ASIC2: variants seen among roughly 807,000 people sequenced by gnomAD.
ASIC2 encodes the protein acid-sensing ion channel 2.
ASIC2 carries 25 observed loss-of-function variants against 57.3 expected under a neutral mutation model. The ratio of observed to expected loss-of-function variants is 0.44; its 90% CI spans 0.32 to 0.61. The LOEUF is 0.61. ASIC2 is among the 20% of genes least tolerant of loss of function. The probability of loss-of-function intolerance (pLI) is 0.06; values close to 1 mark genes in which losing one functional copy is unlikely to be tolerated. For missense variants in ASIC2, 641 were observed against 738.1 expected, an observed-to-expected ratio of 0.87 and a Z score of 1.52; for synonymous variants, 319 against 307.5, an observed-to-expected ratio of 1.04 and a Z score of -0.39.
chr17:33,705,182 G>A (rs1401220433), intron 1 of ASIC2, among the ~76,000 whole-genome samples: 1 of 152,132 alleles, frequency 6.6e-6, no homozygotes, highest in Non-Finnish European at 1.5e-5. Flanking sequence ...CATGAGTAAT[G>A]TATGTTCATT....
At chr17:33,062,662 T>C (rs1264803677) in intron 3 of ASIC2, among the ~76,000 whole-genome samples, 2 of 152,222 alleles carry the variant, frequency 1.3e-5, no homozygotes, top group African/African-American at 4.8e-5. Flanking sequence ...GAGAGTTCTG[T>C]AGATGTCTAT....
At position 33,024,005 on chromosome 17, in the gene ASIC2, G is replaced by A. The variant is rs148985870; in HGVS notation, c.1205C>T (p.Ala402Val). Residue 402 changes from alanine (A) to valine (V), a missense_variant, in exon 6 of 10, where the codon GCG becomes GTG. Around this residue, in one of 3 missense-constraint regions of ASIC2, gnomAD observed 252 missense variants for 319.8 expected, o/e 0.79. Coordinates refer to ENST00000225823, the MANE Select transcript of ASIC2 (RefSeq NM_183377.2). Reference sequence around the variant, plus strand: ...GAGACAGTAATTGCTGTCCTTTTCCGCCAACAGACCTGGAGGGGAGAGTGA... The same window carrying A: ...GAGACAGTAATTGCTGTCCTTTTCCACCAACAGACCTGGAGGGGAGAGTGA... The part of the protein sequence containing the change: ...ECAEPALGLL[A>V]EKDSNYCLCR... 1.9e-5 allele frequency: 31 copies of A among 1,613,952 alleles called. No individual in the cohort carries two copies. Among genetic ancestry groups the A allele is most frequent in the South Asian group, 7.7e-5 (7 of 91,074 alleles).
chr17:34,041,608 A>G (rs762663003), intron 1 of ASIC2, among the ~76,000 whole-genome samples: 20 of 152,228 alleles, frequency 1.3e-4, no homozygotes, highest in Non-Finnish European at 2.5e-4. Context: ...GGTGTCAGAG[A>G]AGTAAATACT....
rs567222005 is a variant in ASIC2, at chr17:33,644,765, A to G, written c.555+511213T>C. Among the ~76,000 whole-genome samples the G allele has an allele frequency of 2.6e-5, 4 of 152,346 alleles. No homozygotes were observed. The East Asian group carries it at 7.7e-4, about 29-fold the overall frequency. On this transcript the variant is annotated intron_variant, in intron 1 of 9. Coordinates refer to the ASIC2 transcript ENST00000359872. ...CAATTCTAATAAATAGATATTTTCT[A>G]CCTGTCTCCTGTCATTGTCAACATT...
intron 2 of ASIC2, among the ~76,000 whole-genome samples, chr17:33,104,469 C>T (rs1315452099): frequency 6.6e-6 from 1 of 152,190 alleles, no homozygotes; most frequent in Non-Finnish European, 1.5e-5. Flanking sequence ...CAGTGGTTTT[C>T]AAACAGGGCA....
chr17:33,792,832 G>C (rs1911812059), intron 1 of ASIC2: 1 of 152,168 alleles, frequency 6.6e-6, no homozygotes. Flanking sequence ...ATAGGCTCAA[G>C]AGCTTGACTT....
intron 1 of ASIC2, among the ~76,000 whole-genome samples, chr17:33,815,047 G>A (rs997550336): frequency 1.3e-5 from 2 of 152,206 alleles, no homozygotes; most frequent in Admixed American, 1.3e-4. Flanking sequence ...ATTGAGGTAT[G>A]ACAGTGTAGG....
At chr17:33,784,602 T>C (rs1193006797) in intron 1 of ASIC2, among the ~76,000 whole-genome samples, 1 of 152,224 alleles carries the variant, frequency 6.6e-6, no homozygotes, top group Non-Finnish European at 1.5e-5. Flanking sequence ...CAATACATCA[T>C]TGCAACAAAA....
intron 1 of ASIC2, among the ~76,000 whole-genome samples, chr17:33,852,932 T>C (rs1220356078): frequency 6.6e-6 from 1 of 152,156 alleles, no homozygotes; most frequent in Non-Finnish European, 1.5e-5. Flanking sequence ...AAGCACTGCC[T>C]GAGAACTCCC....
At chr17:34,051,873 AGCG>A (rs1908578596) in intron 1 of ASIC2, 1 of 81,358 alleles carries the variant, frequency 1.2e-5, no homozygotes, top group African/African-American at 5.3e-5. Flanking sequence ...AGAGAGAGAG[AGCG>A]AGAGAGCGAG....
At chr17:33,284,167 A>G (rs980727913) in intron 1 of ASIC2, among the ~76,000 whole-genome samples, 2 of 152,210 alleles carry the variant, frequency 1.3e-5, no homozygotes, top group African/African-American at 4.8e-5. Context: ...GATATTTGAC[A>G]TGCTCAGAAC....
intron 2 of ASIC2, among the ~76,000 whole-genome samples, chr17:33,108,703 G>A (rs1312231740): frequency 1.3e-5 from 2 of 152,208 alleles, no homozygotes; most frequent in African/African-American, 4.8e-5. Context: ...GGCCTTCTCA[G>A]CCTGAAGAAA....
intron 1 of ASIC2, among the ~76,000 whole-genome samples, chr17:33,225,973 T>C (rs758664183): frequency 6.6e-6 from 1 of 152,200 alleles, no homozygotes; most frequent in Non-Finnish European, 1.5e-5. Context: ...TTAGCTCTCC[T>C]ACCATGTGCC....
At chr17:33,268,470 T>C (rs1174332443) in intron 1 of ASIC2, among the ~76,000 whole-genome samples, 1 of 151,990 alleles carries the variant, frequency 6.6e-6, no homozygotes, top group Non-Finnish European at 1.5e-5. Context: ...CAGTAGGAAA[T>C]AAGTAAGGAC....
intron 1 of ASIC2, among the ~76,000 whole-genome samples, chr17:34,097,426 T>A (rs570025876): frequency 2.0e-5 from 3 of 151,756 alleles, no homozygotes; most frequent in South Asian, 4.2e-4. Context: ...TTGAATAGAG[T>A]CCCCCAAAAC....
chr17:33,212,444 C>A (rs534409921), intron 1 of ASIC2, among the ~76,000 whole-genome samples: 5 of 152,146 alleles, frequency 3.3e-5, no homozygotes, highest in African/African-American at 7.2e-5. Flanking sequence ...TTCCAGGGAG[C>A]CTTCAGAAGG....
At chr17:34,132,488 G>GGGTC (rs80344664) in intron 1 of ASIC2, among the ~76,000 whole-genome samples, 21,576 of 151,842 alleles carry the variant, frequency 0.14, 1,921 homozygotes, top group African/African-American at 0.26. Flanking sequence ...GTGTCTTCAA[G>GGGTC]GGTCTTTCTT....
At chr17:33,523,367 G>A (rs62055345) in intron 1 of ASIC2, among the ~76,000 whole-genome samples, 2 of 151,850 alleles carry the variant, frequency 1.3e-5, no homozygotes, top group South Asian at 2.1e-4. Flanking sequence ...AGCAATTCTC[G>A]TGCCTCAGCC....
intron 1 of ASIC2, among the ~76,000 whole-genome samples, chr17:33,746,391 T>A (rs559593019): frequency 6.7e-6 from 1 of 148,856 alleles, no homozygotes; most frequent in African/African-American, 2.5e-5. Flanking sequence ...TCTACATATA[T>A]AGGTAGATAC....
Sources: gnomAD v4.1 joint callset for allele counts (sites outside exome capture counted in the v4.1 genomes callset) on GRCh38, gnomAD v4.1.1 for gene constraint, gnomAD v4.1.1 regional missense constraint, MANE v1.5 for transcripts, NCBI Gene and HGNC (gene_info 2026-07-23, HGNC 2026-07-21) for gene names.